UNC79: variants seen among roughly 807,000 people sequenced by gnomAD.
UNC79 encodes the protein protein unc-79 homolog.
In UNC79, 37 loss-of-function variants were observed where a neutral mutation model predicts 283.1. The ratio of observed to expected loss-of-function variants is 0.13; its 90% CI spans 0.10 to 0.17. The LOEUF (loss-of-function observed/expected upper bound fraction) is 0.17, where lower values mean the gene tolerates loss of function less well. UNC79 is among the 10% of genes least tolerant of loss of function. The pLI, the probability that UNC79 is intolerant of heterozygous loss-of-function variation, is 1.00. For missense variants in UNC79, 2,272 were observed against 3,211.1 expected (o/e 0.71, Z 7.07); for synonymous variants, 1,107 against 1,200.2 (o/e 0.92, Z 1.61).
At chr14:93,595,985 A>G (rs761548963) in intron 23 of UNC79, among the ~76,000 whole-genome samples, 1 of 152,174 alleles carries the variant, frequency 6.6e-6, no homozygotes. Flanking sequence ...AATAAATTAG[A>G]TATGTGCTAG....
At chr14:93,538,864 TACTC>T (rs899239100) in intron 12 of UNC79, among the ~76,000 whole-genome samples, 2 of 151,202 alleles carry the variant, frequency 1.3e-5, no homozygotes, top group African/African-American at 4.9e-5. Context: ...TTTTGTCTGA[TACTC>T]ATAGAGGCAA....
intron 34 of UNC79, among the ~76,000 whole-genome samples, chr14:93,645,697 A>G (rs1026352099): frequency 6.6e-6 from 1 of 152,058 alleles, no homozygotes; most frequent in Middle Eastern, 3.4e-3. Flanking sequence ...CTCTTACATG[A>G]TCCCTTTCTG....
At chr14:93,631,059 G>A (rs1348224242) in intron 31 of UNC79, 151 bp downstream of exon 33, 2 of 727,710 alleles carry the variant, frequency 2.7e-6, no homozygotes, top group East Asian at 2.7e-5. Context: ...TATTCTCAGA[G>A]ACCCTGAGGA....
intron 11 of UNC79, among the ~76,000 whole-genome samples, chr14:93,535,276 T>G (rs946872539): frequency 5.3e-5 from 8 of 152,222 alleles, no homozygotes; most frequent in African/African-American, 1.7e-4. Flanking sequence ...TTATCAAAAC[T>G]TAGTAGGAAT....
chr14:93,376,463 G>T (rs890631832), intron 1 of UNC79, among the ~76,000 whole-genome samples: 2 of 152,108 alleles, frequency 1.3e-5, no homozygotes, highest in Non-Finnish European at 2.9e-5. Flanking sequence ...GGGGCAAACC[G>T]TATATTTATA....
intron 7 of UNC79, among the ~76,000 whole-genome samples, chr14:93,521,976 C>A (rs2060343797): frequency 6.6e-6 from 1 of 151,432 alleles, no homozygotes; most frequent in Non-Finnish European, 1.5e-5. Flanking sequence ...TGATACATAG[C>A]AAAACTTAAG....
intron 7 of UNC79, among the ~76,000 whole-genome samples, chr14:93,503,577 G>A (rs2059396814): frequency 6.6e-6 from 1 of 151,810 alleles, no homozygotes; most frequent in African/African-American, 2.4e-5. Flanking sequence ...TGTTTTGATG[G>A]TTTTAAAAAT....
At chr14:93,673,229 A>C (rs762575937) in intron 40 of UNC79, 122 bp from the exon 44 acceptor site, 1 of 782,402 alleles carries the variant, frequency 1.3e-6, no homozygotes, top group Non-Finnish European at 2.0e-6. Context: ...ACACTTCACT[A>C]TGCATTTTTG....
chr14:93,650,058 A>G (rs1022308635), intron 35 of UNC79, among the ~76,000 whole-genome samples: 13 of 152,220 alleles, frequency 8.5e-5, no homozygotes, highest in African/African-American at 2.9e-4. Flanking sequence ...CTTCATGTCA[A>G]TGGAATCCTA....
intron 7 of UNC79, among the ~76,000 whole-genome samples, chr14:93,515,302 C>A (rs759916001): frequency 2.0e-5 from 3 of 149,114 alleles, no homozygotes; most frequent in Non-Finnish European, 4.4e-5. Context: ...ATTTCCAGTT[C>A]TTTGATGATA....
chr14:93,594,536 T>G (rs1010721741), intron 23 of UNC79, among the ~76,000 whole-genome samples: 1 of 152,066 alleles, frequency 6.6e-6, no homozygotes, highest in African/African-American at 2.4e-5. Context: ...TCCCAAAGTG[T>G]TGGGATTACA....
At chr14:93,550,117 A>G (rs997771164) in intron 14 of UNC79, among the ~76,000 whole-genome samples, 1 of 152,236 alleles carries the variant, frequency 6.6e-6, no homozygotes, top group African/African-American at 2.4e-5. Context: ...TAGGCAGAAA[A>G]CAAAGAAATT....
intron 14 of UNC79, among the ~76,000 whole-genome samples, chr14:93,570,605 C>A (rs2063155429): frequency 6.6e-6 from 1 of 151,874 alleles, no homozygotes; most frequent in South Asian, 2.1e-4. Context: ...AATTTTTGTT[C>A]TAAATCTGAT....
rs544807653 is a variant in UNC79 at position 93,333,607 on chromosome 14, A to G, written c.-351+84A>G. On this transcript the variant is annotated intron_variant, in intron 1 of 49. Transcript: ENST00000256339. ...TTAAAAAATAATCTTTAAGACACTG[A>G]AAAGTTTTCCTTAACAAGATACCCC... 41 of 393,846 alleles carry G rather than the reference A, an allele frequency of 1.0e-4. No individual in the cohort carries two copies. In the South Asian group the frequency reaches 3.6e-3, roughly 34 times the overall value. The allele number at this position is 393,846 out of a possible 1,614,324, so 24.4% of individuals were successfully genotyped here. A position where few individuals can be genotyped will look rare whatever the true frequency, so the allele number is the denominator to read the frequency against.
intron 5 of UNC79, among the ~76,000 whole-genome samples, chr14:93,488,680 A>C (rs2058573846): frequency 6.6e-6 from 1 of 152,044 alleles, no homozygotes; most frequent in African/African-American, 2.4e-5. Context: ...GTAAACATTT[A>C]TTTTTCTCAT....
At chr14:93,348,343 T>C (rs1490814993) in intron 1 of UNC79, 5 of 487,646 alleles carry the variant, frequency 1.0e-5, no homozygotes, top group East Asian at 9.9e-5. Flanking sequence ...GAAACACTTA[T>C]TCGTGCTTGG....
At chr14:93,497,062 C>G in intron 6 of UNC79, 95 bp from the exon 7 acceptor site, 1 of 1,412,140 alleles carries the variant, frequency 7.1e-7, no homozygotes, top group Non-Finnish European at 9.6e-7. Context: ...CTCAATCCCT[C>G]CATTAGAATT....
At chr14:93,340,441 CAAAAAA>C (rs1193751068) in intron 1 of UNC79, among the ~76,000 whole-genome samples, 3 of 64,448 alleles carry the variant, frequency 4.7e-5, no homozygotes, top group South Asian at 6.1e-4. Context: ...AACGCTGTCT[CAAAAAA>C]AAAAAAAAAA....
At position 93,612,389 on chromosome 14, in the gene UNC79, G is replaced by A. The variant is rs116278969; in HGVS notation, c.3755-408G>A. Among the ~76,000 whole-genome samples the A allele has an allele frequency of 2.3e-3, 349 of 152,230 alleles. 2 individuals are homozygous for A. The highest frequency in any genetic ancestry group is 8.0e-3 in the African/African-American group (331 of 41,536). On this transcript the variant is annotated intron_variant, in intron 26 of 48. Coordinates refer to ENST00000555664, the Ensembl canonical transcript of UNC79. ...CCCTCAGTGGATTTTAGACTATAACGTTTTGTAGTTATTCTTACATGCTTA... is the reference window on the plus strand; with the variant it reads ...CCCTCAGTGGATTTTAGACTATAACATTTTGTAGTTATTCTTACATGCTTA...
Sources: allele counts gnomAD v4.1 joint callset (sites outside exome capture counted in the v4.1 genomes callset), GRCh38; gene constraint gnomAD v4.1.1; transcripts MANE v1.5; gene names NCBI Gene and HGNC (gene_info 2026-07-23, HGNC 2026-07-21).